Variants in AATF observed in about 807,000 individuals in gnomAD.
AATF encodes the protein protein AATF.
A neutral mutation model predicts 63.7 loss-of-function variants in AATF; 48 were observed. That is an observed-to-expected ratio of 0.75 (90% CI 0.60 to 0.96). The LOEUF (loss-of-function observed/expected upper bound fraction) is 0.96. Among genes scored for constraint, AATF ranks in the 40% least tolerant of loss-of-function variants. AATF has a pLI of 0.00. For missense variants in AATF, 639 were observed against 685.7 expected (o/e 0.93, Z 0.76); for synonymous variants, 258 against 247.7 (o/e 1.04, Z -0.39).
chr17:37,041,990 G>C (rs1179649565), intron 11 of AATF, among the ~76,000 whole-genome samples: 1 of 152,002 alleles, frequency 6.6e-6, no homozygotes, highest in Non-Finnish European at 1.5e-5. Context: ...TCTATCATTT[G>C]TAGTTGTTTT....
chr17:36,995,610 C>A (rs1341446389), intron 8 of AATF, among the ~76,000 whole-genome samples: 1 of 152,112 alleles, frequency 6.6e-6, no homozygotes, highest in Admixed American at 6.6e-5. Context: ...CTCTGTTGCC[C>A]AGGCTGGAGT....
chr17:37,035,401 C>T (rs2071583885), intron 11 of AATF, among the ~76,000 whole-genome samples: 1 of 150,956 alleles, frequency 6.6e-6, no homozygotes, highest in Non-Finnish European at 1.5e-5. Context: ...TTTTTGTTGT[C>T]CTTATTCAGT....
At chr17:37,009,875 A>C (rs1036763502) in intron 8 of AATF, among the ~76,000 whole-genome samples, 13 of 150,576 alleles carry the variant, frequency 8.6e-5, no homozygotes, top group Admixed American at 2.0e-4. Flanking sequence ...TGAATAGACC[A>C]GTCTATGTGT....
intron 2 of AATF, among the ~76,000 whole-genome samples, chr17:36,951,308 T>G (rs2070853122): frequency 6.6e-6 from 1 of 152,198 alleles, no homozygotes; most frequent in Non-Finnish European, 1.5e-5. Flanking sequence ...TTCATATTCT[T>G]TGCCTAGAGA....
chr17:37,043,145 C>A (rs952726017), intron 11 of AATF: 1 of 152,162 alleles, frequency 6.6e-6, no homozygotes, highest in African/African-American at 2.4e-5. Context: ...TCACCTTCCT[C>A]CAATATCACA....
chr17:36,972,008 TG>T (rs1478745774), intron 4 of AATF, among the ~76,000 whole-genome samples: 1 of 152,192 alleles, frequency 6.6e-6, no homozygotes, highest in African/African-American at 2.4e-5. Context: ...TTTTCCACAG[TG>T]GCTCTCTGTT....
chr17:36,953,074 G>C lies in AATF; in HGVS notation c.472G>C (p.Glu158Gln), dbSNP rs1473009460. 6.2e-7 allele frequency: 1 copy of C among 1,614,150 alleles called. No individual in the cohort carries two copies. The highest frequency in any genetic ancestry group is 1.3e-5 in the African/African-American group (1 of 75,032). Residue 158 changes from glutamate (E) to glutamine (Q), a missense_variant, in exon 3 of 12, where the codon GAG becomes CAG. Coordinates refer to ENST00000619387, the MANE Select transcript of AATF (RefSeq NM_012138.4). ...GFSVQSISDFEKFTKGMDDLG... is the reference protein window; with the variant it reads ...GFSVQSISDFQKFTKGMDDLG... ...CAGTGTCCAGAGTATCAGTGACTTT[G>C]AGAAATTTACCAAGGGAATGGATGA...
chr17:36,963,726 G>T (rs1444635808), intron 4 of AATF, among the ~76,000 whole-genome samples: 2 of 152,112 alleles, frequency 1.3e-5, no homozygotes, highest in Non-Finnish European at 2.9e-5. Flanking sequence ...TCTCTGTCTT[G>T]ATTTATTTAT....
At chr17:36,993,270 C>T (rs768463851) in intron 8 of AATF, among the ~76,000 whole-genome samples, 1 of 152,152 alleles carries the variant, frequency 6.6e-6, no homozygotes, top group Non-Finnish European at 1.5e-5. Flanking sequence ...TTCCCATTCC[C>T]CTTCTTCTTC....
intron 4 of AATF, among the ~76,000 whole-genome samples, chr17:36,970,783 G>A (rs949453697): frequency 1.7e-4 from 25 of 151,306 alleles, no homozygotes; most frequent in African/African-American, 5.8e-4. Flanking sequence ...CTCCTGCCTC[G>A]GCCTCCCAAA....
intron 11 of AATF, among the ~76,000 whole-genome samples, chr17:37,052,042 CT>C (rs1247929900): frequency 6.6e-6 from 1 of 150,994 alleles, no homozygotes; most frequent in Non-Finnish European, 1.5e-5. Context: ...ACTCCGCAGG[CT>C]GCTCCCCTGC....
intron 10 of AATF, among the ~76,000 whole-genome samples, chr17:37,027,828 T>C (rs929209077): frequency 2.6e-5 from 4 of 152,178 alleles, no homozygotes; most frequent in African/African-American, 7.2e-5. Flanking sequence ...GCTACTGTAT[T>C]GCATAACACA....
chr17:37,009,457 T>C (rs1340855818), intron 8 of AATF, among the ~76,000 whole-genome samples: 1 of 151,262 alleles, frequency 6.6e-6, no homozygotes, highest in Admixed American at 6.6e-5. Flanking sequence ...AGTTAAATGG[T>C]TTTTTTTATT....
chr17:37,031,744 G>A, intron 11 of AATF, 59 bp downstream of exon 11: 1 of 1,345,104 alleles, frequency 7.4e-7, no homozygotes, highest in South Asian at 1.2e-5. Flanking sequence ...ATATTGACCT[G>A]CTCTACAGCC....
At chr17:37,042,408 TTTTG>T (rs1014737653) in intron 11 of AATF, among the ~76,000 whole-genome samples, 1 of 151,866 alleles carries the variant, frequency 6.6e-6, no homozygotes, top group Non-Finnish European at 1.5e-5. Context: ...AGGTCTTTTT[TTTTG>T]TTTTTTTCTT....
intron 4 of AATF, among the ~76,000 whole-genome samples, chr17:36,977,481 T>C (rs2071087919): frequency 6.6e-6 from 1 of 152,158 alleles, no homozygotes; most frequent in South Asian, 2.1e-4. Flanking sequence ...GGCTGTTTTT[T>C]TTTTTAAAGA....
In AATF at chr17:37,019,801, ATAT is replaced by A. The variant is rs1000070395; in HGVS notation, c.1466+733_1466+735del. On this transcript the variant is annotated intron_variant, in intron 9 of 11. Coordinates refer to ENST00000619387, the MANE Select transcript of AATF (RefSeq NM_012138.4). ...GATGAAATAATTTTATTTAAGTAAA[ATAT>A]TATGTGAATTTTAGGGTAGGATGTT... Among the ~76,000 whole-genome samples, 9 of 152,204 alleles carry A rather than the reference ATAT, an allele frequency of 5.9e-5. No homozygotes were observed. In the East Asian group the frequency reaches 9.6e-4, roughly 16 times the overall value.
At chr17:37,035,919 G>A (rs2071588302) in intron 11 of AATF, among the ~76,000 whole-genome samples, 1 of 151,962 alleles carries the variant, frequency 6.6e-6, no homozygotes, top group South Asian at 2.1e-4. Context: ...ATCATTCAAT[G>A]AATTTATTAT....
At chr17:36,954,509 GT>G (rs1452332109) in intron 4 of AATF, among the ~76,000 whole-genome samples, 4 of 152,196 alleles carry the variant, frequency 2.6e-5, no homozygotes, top group African/African-American at 4.8e-5. Flanking sequence ...TGCTTCCTAT[GT>G]TTGAGAGGTT....
Sources: allele counts gnomAD v4.1 joint callset (sites outside exome capture counted in the v4.1 genomes callset), GRCh38; gene constraint gnomAD v4.1.1; transcripts MANE v1.5; gene names NCBI Gene and HGNC (gene_info 2026-07-23, HGNC 2026-07-21).